The following MUC3A variants were observed in gnomAD, a reference collection of about 807,000 sequenced individuals.
The protein encoded by MUC3A is mucin 3A, cell surface associated, also known as mucin-3A.
MUC3A carries 109 observed loss-of-function variants against 109.0 expected under a neutral mutation model. The ratio of observed to expected loss-of-function variants is 1.00; its 90% CI spans 0.86 to 1.17. The LOEUF is 1.17. Ranked by LOEUF, MUC3A falls within the 50% of genes most tolerant of loss-of-function variation. The pLI is 0.00. For synonymous variants in MUC3A, 1,398 were observed against 981.4 expected (o/e 1.42, Z -7.93); for missense variants, 3,537 against 2,469.4 (o/e 1.43, Z -9.16).
chr7:100,962,830 TTTC>T, intron 3 of MUC3A, among the ~76,000 whole-genome samples: 1 of 19,136 alleles, frequency 5.2e-5, no homozygotes, highest in African/African-American at 2.5e-4. Flanking sequence ...TCTTTCTTTC[TTTC>T]TTTTTCTCTC....
intron 1 of MUC3A, 129 bp from the exon 2 acceptor site, chr7:100,951,712 T>A: frequency 2.2e-6 from 3 of 1,386,000 alleles, no homozygotes; most frequent in Non-Finnish European, 2.9e-6. Context: ...GATGCAGGAG[T>A]CAGCTGTAAT....
rs767027370 is a variant in MUC3A, at chr7:100,965,670, CT to C, written c.9449-32del. The stretch of plus-strand genomic sequence containing the variant: ...GCCCCTGAATAGAATGGATGAGGTC[CT>C]TGTCTCTGTGCATCCCCCTCCCCAA... On this transcript the variant is annotated intron_variant, in intron 7 of 11. Coordinates refer to ENST00000379458, the MANE Select transcript of MUC3A (RefSeq NM_005960.2). 4.2e-5 allele frequency: 66 copies of C among 1,584,208 alleles called. No individual in the cohort carries two copies. In the Middle Eastern group the frequency reaches 8.4e-4, roughly 20 times the overall value.
chr7:100,964,650 AT>A, intron 5 of MUC3A, 44 bp from the exon 6 acceptor site: 1 of 574,590 alleles, frequency 1.7e-6, no homozygotes, highest in Non-Finnish European at 2.2e-6. Context: ...CCAAGGACCC[AT>A]ATGTTCCTGG....
intron 2 of MUC3A, 30 bp downstream of exon 2, chr7:100,960,675 C>T (rs1163170051): frequency 6.3e-7 from 1 of 1,592,596 alleles, no homozygotes; most frequent in African/African-American, 1.3e-5. Flanking sequence ...TGTTCCCCTC[C>T]TTCCTCCCCT....
intron 3 of MUC3A, among the ~76,000 whole-genome samples, chr7:100,961,874 G>T (rs1441919072): frequency 1.3e-5 from 2 of 152,282 alleles, no homozygotes; most frequent in African/African-American, 4.8e-5. Flanking sequence ...TTGGAAGGCC[G>T]AGGAGGGAGT....
intron 1 of MUC3A, 133 bp downstream of exon 1, chr7:100,949,818 A>G: frequency 1.2e-6 from 1 of 816,094 alleles, no homozygotes; most frequent in South Asian, 2.1e-5. Flanking sequence ...GGGTGCAGGG[A>G]GAACCGAGGC....
chr7:100,952,086 A>G lies in MUC3A; in HGVS notation c.307A>G (p.Thr103Ala). 1 of 1,598,632 alleles carries G rather than the reference A, an allele frequency of 6.3e-7. No individual in the cohort carries two copies. The highest frequency in any genetic ancestry group is 8.5e-7 in the Non-Finnish European group (1 of 1,179,820). The change falls in exon 2 of 12, where the codon ACC becomes GCC. Residue 103 changes from threonine to alanine, a missense_variant. By Grantham distance (58) the Thr-to-Ala change is moderately conservative. Coordinates refer to ENST00000379458, the MANE Select transcript of MUC3A (RefSeq NM_005960.2). ...TCCAGTCAGTTCCAACACCTCAACC[A>G]CCCCGACGTCCAAGTTTGCCTTCAA... is the stretch of plus-strand genomic sequence containing the variant. ...NSPVSSNTST[T>A]PTSKFAFKVE...
Position 100,958,574 on chromosome 7 carries a change from C to G in MUC3A, c.6795C>G (p.Thr2265=). The G allele has an allele frequency of 1.5e-6, 2 of 1,333,212 alleles. No individual in the cohort carries two copies. The highest frequency in any genetic ancestry group is 3.4e-5 in the Admixed American group (2 of 58,852). The allele number at this position is 1,333,212 out of a possible 1,614,324, so 82.6% of individuals were successfully genotyped here. Residue 2265 remains threonine (T), a synonymous_variant, in exon 2 of 12, where the codon ACC becomes ACG. Coordinates refer to ENST00000379458, the MANE Select transcript of MUC3A (RefSeq NM_005960.2). The stretch of plus-strand genomic sequence containing the variant: ...CTTCTTCGATCACCACCACTGAGAC[C>G]ACCTCACATGATACTCCCAGCTTCA... The part of the protein sequence containing the change: ...SFTSSITTTE[T]TSHDTPSFTS...
rs73163764 is a variant in MUC3A, at chr7:100,960,546, C to G, written c.8767C>G (p.Pro2923Ala). Residue 2923 changes from proline to alanine, a missense_variant, in exon 2 of 12, where the codon CCA becomes GCA. Coordinates refer to ENST00000379458, the MANE Select transcript of MUC3A (RefSeq NM_005960.2). ...SPPTTRTSET[P>A]VATTQTPTTL... is the part of the protein sequence containing the mutation. Reference sequence around the variant, plus strand: ...ACCCACCACTAGGACTTCAGAGACACCAGTGGCCACTACCCAGACTCCTAC... The same window carrying G: ...ACCCACCACTAGGACTTCAGAGACAGCAGTGGCCACTACCCAGACTCCTAC... 2 of 1,597,740 alleles carry G rather than the reference C, an allele frequency of 1.3e-6. No homozygotes were observed. The highest frequency in any genetic ancestry group is 1.7e-6 in the Non-Finnish European group (2 of 1,179,170).
chr7:100,960,878 A>C lies in MUC3A; in HGVS notation c.8993A>C (p.Gln2998Pro), dbSNP rs775193949. ...NGGQWDGLKC[Q>P]CPSTFYGSSC... ...GGTCAGTGGGATGGCCTCAAATGCC[A>C]GTGCCCCAGCACCTTCTATGGTTCC... The change falls in exon 3 of 12, where the codon CAG becomes CCG. Residue 2998 changes from glutamine (Q) to proline (P), a missense_variant. Transcript: ENST00000379458. 6.3e-6 allele frequency: 10 copies of C among 1,598,420 alleles called. No individual in the cohort carries two copies. The East Asian group carries it at 2.0e-4, about 32-fold the overall frequency.
chr7:100,967,588 G>A lies in MUC3A; in HGVS notation c.*426G>A. The A allele has an allele frequency of 2.8e-6, 1 of 361,984 alleles. No individual in the cohort carries two copies. Among genetic ancestry groups the A allele is most frequent in the Non-Finnish European group, 5.0e-6 (1 of 199,056 alleles). The allele number at this position is 361,984 out of a possible 1,614,324, so 22.4% of individuals were successfully genotyped here. On this transcript the variant is annotated 3_prime_UTR_variant, in exon 12 of 12. Transcript: ENST00000379458. ...CGTCCTTCACCTGGTCTCTGGCCCT[G>A]GTTCTTATTTTCTCTCAATTCCCTA...
At chr7:100,965,495 G>C in intron 7 of MUC3A, 148 bp downstream of exon 7, 1 of 1,446,182 alleles carries the variant, frequency 6.9e-7, no homozygotes, top group Non-Finnish European at 9.3e-7. Flanking sequence ...GCGCTGGTTA[G>C]TGGCTTCCAC....
At chr7:100,963,912 T>C in intron 5 of MUC3A, 160 bp downstream of exon 5, 2 of 1,023,072 alleles carry the variant, frequency 2.0e-6, no homozygotes, top group Non-Finnish European at 2.9e-6. Context: ...GATCGTTTTC[T>C]GGGGCCATTT....
intron 3 of MUC3A, among the ~76,000 whole-genome samples, chr7:100,961,509 A>G (rs1032769920): frequency 2.2e-3 from 342 of 152,164 alleles, no homozygotes; most frequent in African/African-American, 8.1e-3. Context: ...CTCCTCCCCA[A>G]ATAGTCTATG....
Position 100,954,171 on chromosome 7 carries a change from A to G in MUC3A, c.2392A>G (p.Thr798Ala), listed in dbSNP as rs1792043058. The G allele has an allele frequency of 6.6e-6, 3 of 453,632 alleles. No individual in the cohort carries two copies. Among genetic ancestry groups the G allele is most frequent in the African/African-American group, 4.6e-5 (1 of 21,534 alleles). 28.1% of individuals were successfully genotyped at this position (453,632 alleles called of 1,614,324 possible). A position where few individuals can be genotyped will look rare whatever the true frequency, so the allele number is the denominator to read the frequency against. The stretch of plus-strand genomic sequence containing the variant: ...CACAACTGCCATCACCTCAGTTCCC[A>G]CTACGTTGGGTACCATGGTAACTTC... The part of the protein sequence containing the change: ...TYTTAITSVP[T>A]TLGTMVTSTS... The change falls in exon 2 of 12, where the codon ACT becomes GCT. Residue 798 changes from threonine (T) to alanine (A), a missense_variant. Transcript: ENST00000379458.
chr7:100,965,241 GATCT>G, intron 6 of MUC3A, 37 bp from the exon 7 acceptor site: 1 of 2,530 alleles, frequency 4.0e-4, no homozygotes. Context: ...TTAACCCCTT[GATCT>G]GCCCCGCCCA....
chr7:100,961,088 T>C, intron 3 of MUC3A, 151 bp downstream of exon 3: 1 of 983,490 alleles, frequency 1.0e-6, no homozygotes, highest in Non-Finnish European at 1.2e-6. Flanking sequence ...TCCGCTGCCC[T>C]GTGTCATGCT....
rs958060194 is a variant in MUC3A, at chr7:100,966,417, G to T, written c.9643G>T (p.Gly3215Cys). 1 of 1,350,470 alleles carries T rather than the reference G, an allele frequency of 7.4e-7. No homozygotes were observed. Among genetic ancestry groups the T allele is most frequent in the Non-Finnish European group, 9.5e-7 (1 of 1,058,008 alleles). 83.7% of individuals were successfully genotyped at this position (1,350,470 alleles called of 1,614,324 possible). A position where few individuals can be genotyped will look rare whatever the true frequency, so the allele number is the denominator to read the frequency against. Reference protein sequence around the residue: ...CYSTDTHWFSGPRCEVAVHWR... With the variant: ...CYSTDTHWFSCPRCEVAVHWR... ...CTCCACCGACACGCACTGGTTCTCT[G>T]GCCCGCGCTGCGAGGTGGCCGTCCA... is the stretch of plus-strand genomic sequence containing the variant. Residue 3215 changes from glycine to cysteine, a missense_variant, in exon 9 of 12, where the codon GGC becomes TGC. Gly to Cys is a radical substitution (Grantham distance 159). Transcript: ENST00000379458.
chr7:100,953,518 C>T lies in MUC3A; in HGVS notation c.1739C>T (p.Thr580Ile). The T allele has an allele frequency of 2.2e-6, 1 of 454,094 alleles. No individual in the cohort carries two copies. Among genetic ancestry groups the T allele is most frequent in the South Asian group, 6.6e-5 (1 of 15,082 alleles). The allele number at this position is 454,094 out of a possible 1,614,324, so 28.1% of individuals were successfully genotyped here. A position where few individuals can be genotyped will look rare whatever the true frequency, so the allele number is the denominator to read the frequency against. Reference protein sequence around the residue: ...LAPTTTTSFTTSTTMEPPSTT... With the variant: ...LAPTTTTSFTISTTMEPPSTT... ...CCCACTACCACCACCTCATTCACAA[C>T]TTCCACAACTATGGAACCACCTTCA... is the stretch of plus-strand genomic sequence containing the variant. Residue 580 changes from threonine to isoleucine, a missense_variant, in exon 2 of 12, where the codon ACT becomes ATT. Coordinates refer to ENST00000379458, the MANE Select transcript of MUC3A (RefSeq NM_005960.2).
Sources: allele counts gnomAD v4.1 joint callset (sites outside exome capture counted in the v4.1 genomes callset), GRCh38; gene constraint gnomAD v4.1.1; transcripts MANE v1.5; gene names NCBI Gene and HGNC (gene_info 2026-07-23, HGNC 2026-07-21).